Variants in NALF1 observed in about 807,000 individuals in gnomAD.
The protein encoded by NALF1 is family with sequence similarity 155 member A.
Under a neutral mutation model 48.4 loss-of-function variants are expected in NALF1, and 3 were observed. The observed-to-expected ratio is 0.06, with a 90% CI of 0.03 to 0.16. NALF1 has a LOEUF of 0.16. Among genes scored for constraint, NALF1 ranks in the 10% least tolerant of loss-of-function variants. The probability of loss-of-function intolerance (pLI) is 1.00; values close to 1 mark genes in which losing one functional copy is unlikely to be tolerated. For synonymous variants in NALF1, 262 were observed against 245.7 expected (o/e 1.07, Z -0.62); for missense variants, 526 against 571.5 (o/e 0.92, Z 0.81).
chr13:107,842,295 C>A (rs1316692957), intron 1 of NALF1, among the ~76,000 whole-genome samples: 1 of 151,790 alleles, frequency 6.6e-6, no homozygotes, highest in Admixed American at 6.6e-5. Flanking sequence ...ACAATCAAAA[C>A]TGAGAGAAAT....
intron 1 of NALF1, among the ~76,000 whole-genome samples, chr13:107,298,837 C>T (rs1881777785): frequency 6.6e-6 from 1 of 152,128 alleles, no homozygotes; most frequent in Non-Finnish European, 1.5e-5. Flanking sequence ...CCAGCTTTCC[C>T]TAATGATAAC....
intron 1 of NALF1, among the ~76,000 whole-genome samples, chr13:107,633,573 T>C (rs1189631048): frequency 6.6e-6 from 1 of 151,980 alleles, no homozygotes; most frequent in Non-Finnish European, 1.5e-5. Context: ...ATATCGTACA[T>C]CCTGGTCCTC....
chr13:107,187,423 A>G (rs1212143259), intron 2 of NALF1, among the ~76,000 whole-genome samples: 1 of 152,124 alleles, frequency 6.6e-6, no homozygotes, highest in Non-Finnish European at 1.5e-5. Flanking sequence ...ATCACCTTTA[A>G]TTGTCAAGTC....
intron 1 of NALF1, among the ~76,000 whole-genome samples, chr13:107,462,309 A>G (rs1884932578): frequency 6.7e-6 from 1 of 150,074 alleles, no homozygotes; most frequent in African/African-American, 2.5e-5. Flanking sequence ...AAAATGAAAG[A>G]AAAAAAAATA....
intron 1 of NALF1, among the ~76,000 whole-genome samples, chr13:107,434,612 A>G (rs935770700): frequency 2.6e-5 from 4 of 152,254 alleles, no homozygotes; most frequent in Non-Finnish European, 5.9e-5. Flanking sequence ...AGTCATGGGA[A>G]TAGAGCTATG....
intron 1 of NALF1, among the ~76,000 whole-genome samples, chr13:107,642,786 T>C (rs921288910): frequency 3.9e-5 from 6 of 152,206 alleles, no homozygotes; most frequent in Non-Finnish European, 7.3e-5. Flanking sequence ...GCACATTGTT[T>C]ATCGTGAACA....
chr13:107,337,907 A>T lies in NALF1; in HGVS notation c.916-127152T>A, dbSNP rs1052380724. Reference sequence around the variant, plus strand: ...AGATTGCTAAGAAAAGTAAAAAGAAATATACATCCCTACCACCGTGTCACG... The same window carrying T: ...AGATTGCTAAGAAAAGTAAAAAGAATTATACATCCCTACCACCGTGTCACG... On this transcript the variant is annotated intron_variant, in intron 1 of 2. Coordinates refer to ENST00000375915, the MANE Select transcript of NALF1 (RefSeq NM_001080396.3). Among the ~76,000 whole-genome samples the T allele has an allele frequency of 6.6e-5, 10 of 152,332 alleles. No individual in the cohort carries two copies. The South Asian group carries it at 1.9e-3, about 28-fold the overall frequency.
intron 1 of NALF1, among the ~76,000 whole-genome samples, chr13:107,837,757 T>G (rs1381913297): frequency 6.6e-6 from 1 of 151,950 alleles, no homozygotes; most frequent in East Asian, 1.9e-4. Flanking sequence ...CACCCGGGTG[T>G]GAGAAAAGAC....
chr13:107,697,214 A>G (rs1468375302), intron 1 of NALF1, among the ~76,000 whole-genome samples: 1 of 152,158 alleles, frequency 6.6e-6, no homozygotes, highest in African/African-American at 2.4e-5. Flanking sequence ...ACTTCTAAGT[A>G]TCTAACCCTT....
chr13:107,171,879 AT>A (rs1878813080), intron 2 of NALF1, among the ~76,000 whole-genome samples: 1 of 152,210 alleles, frequency 6.6e-6, no homozygotes, highest in Non-Finnish European at 1.5e-5. Flanking sequence ...TGTTGTAAGG[AT>A]TACATGAGAT....
At chr13:107,183,665 A>G (rs1427478418) in intron 2 of NALF1, among the ~76,000 whole-genome samples, 1 of 152,174 alleles carries the variant, frequency 6.6e-6, no homozygotes, top group African/African-American at 2.4e-5. Flanking sequence ...ATGCAGCCAT[A>G]AAAAAGGATG....
At chr13:107,225,090 C>A (rs751995194) in intron 1 of NALF1, among the ~76,000 whole-genome samples, 4 of 152,194 alleles carry the variant, frequency 2.6e-5, no homozygotes, top group Non-Finnish European at 2.9e-5. Flanking sequence ...CTCACTGCAA[C>A]CTCCGCCTCC....
chr13:107,333,366 CA>C (rs1207315142), intron 1 of NALF1, among the ~76,000 whole-genome samples: 1 of 152,052 alleles, frequency 6.6e-6, no homozygotes, highest in African/African-American at 2.4e-5. Flanking sequence ...GTAAAATCAC[CA>C]AAAAAAGCAC....
At chr13:107,365,731 T>A (rs4299015) in intron 1 of NALF1, among the ~76,000 whole-genome samples, 149,950 of 152,300 alleles carry the variant, frequency 0.98, 73,861 homozygotes, top group East Asian at 1. Flanking sequence ...TGTTTACATC[T>A]AAGTAGAGAG....
In NALF1 at chr13:107,577,356, G is replaced by A. The variant is rs995939031; in HGVS notation, c.915+288326C>T. Among the ~76,000 whole-genome samples the A allele has an allele frequency of 2.8e-4, 42 of 152,130 alleles. 1 individual carries two copies. The highest frequency in any genetic ancestry group is 9.4e-4 in the African/African-American group (39 of 41,416). On this transcript the variant is annotated intron_variant, in intron 1 of 2. Coordinates refer to ENST00000375915, the MANE Select transcript of NALF1 (RefSeq NM_001080396.3). ...CTGCCTGTTCCTCTAAAGTTGGTTG[G>A]AAACTGGTCAGGTGGCCACACCTAG...
chr13:107,564,644 C>T (rs1877742981), intron 1 of NALF1, among the ~76,000 whole-genome samples: 1 of 152,162 alleles, frequency 6.6e-6, no homozygotes, highest in South Asian at 2.1e-4. Flanking sequence ...GCCACTTAAA[C>T]ACTACAAACT....
intron 1 of NALF1, among the ~76,000 whole-genome samples, chr13:107,548,268 C>T (rs554762621): frequency 2.0e-5 from 3 of 152,210 alleles, no homozygotes; most frequent in South Asian, 2.1e-4. Flanking sequence ...CCACGGCCTC[C>T]AGCTCTATCC....
At chr13:107,589,488 A>G (rs1374008555) in intron 1 of NALF1, among the ~76,000 whole-genome samples, 1 of 152,056 alleles carries the variant, frequency 6.6e-6, no homozygotes, top group Non-Finnish European at 1.5e-5. Flanking sequence ...TTAAAACTTC[A>G]TTTTAGGAAT....
chr13:107,407,581 T>A (rs914259534), intron 1 of NALF1, among the ~76,000 whole-genome samples: 2 of 152,100 alleles, frequency 1.3e-5, no homozygotes, highest in Non-Finnish European at 2.9e-5. Context: ...CCAGTTAAAA[T>A]GGTTTATATC....
Sources: allele counts gnomAD v4.1 joint callset (sites outside exome capture counted in the v4.1 genomes callset), GRCh38; gene constraint gnomAD v4.1.1; transcripts MANE v1.5; gene names NCBI Gene and HGNC (gene_info 2026-07-23, HGNC 2026-07-21).